Variants in SLC12A1 observed in about 807,000 individuals in gnomAD.
The protein encoded by SLC12A1 is solute carrier family 12 member 1.
SLC12A1 carries 89 observed loss-of-function variants against 130.4 expected under a neutral mutation model. The ratio of observed to expected loss-of-function variants is 0.68; its 90% CI spans 0.58 to 0.81. The LOEUF (loss-of-function observed/expected upper bound fraction) is 0.81. Among genes scored for constraint, SLC12A1 ranks in the 40% least tolerant of loss-of-function variants. SLC12A1 has a pLI of 0.00. For synonymous variants in SLC12A1, 499 were observed against 460.0 expected (o/e 1.08, Z -1.09); for missense variants, 1,310 against 1,336.4 (o/e 0.98, Z 0.31).
intron 20 of SLC12A1, among the ~76,000 whole-genome samples, chr15:48,280,831 A>G (rs989767027): frequency 2.0e-5 from 3 of 151,898 alleles, no homozygotes; most frequent in Non-Finnish European, 4.4e-5. Flanking sequence ...TGTCTTTTGT[A>G]CTTACCACAC....
intron 20 of SLC12A1, among the ~76,000 whole-genome samples, chr15:48,282,759 C>T (rs12594698): frequency 0.28 from 41,794 of 151,970 alleles, 6,727 homozygotes; most frequent in African/African-American, 0.43. Flanking sequence ...GGGGGATTAA[C>T]TTAGCCCATT....
At chr15:48,258,557 T>C (rs979520467) in intron 16 of SLC12A1, among the ~76,000 whole-genome samples, 2 of 152,132 alleles carry the variant, frequency 1.3e-5, no homozygotes, top group African/African-American at 4.8e-5. Flanking sequence ...CCTCCAAGTC[T>C]CTAGGAAGTT....
chr15:48,275,731 T>A (rs541646516), intron 20 of SLC12A1, among the ~76,000 whole-genome samples: 5 of 152,088 alleles, frequency 3.3e-5, no homozygotes, highest in South Asian at 2.1e-4. Context: ...TGTTACTGAA[T>A]TGAAAAGTAG....
intron 23 of SLC12A1, among the ~76,000 whole-genome samples, chr15:48,289,983 T>C (rs1006700744): frequency 1.3e-5 from 2 of 152,228 alleles, no homozygotes; most frequent in African/African-American, 2.4e-5. Context: ...AAATTAACCT[T>C]AGCTTACCGT....
chr15:48,292,925 G>GT (rs966239753), intron 24 of SLC12A1, among the ~76,000 whole-genome samples: 9 of 149,698 alleles, frequency 6.0e-5, no homozygotes, highest in East Asian at 3.9e-4. Context: ...GTTTTGTGGG[G>GT]TTTTTTTTGA....
At chr15:48,266,734 G>A (rs909922141) in intron 17 of SLC12A1, among the ~76,000 whole-genome samples, 12 of 152,322 alleles carry the variant, frequency 7.9e-5, no homozygotes, top group Admixed American at 5.2e-4. Context: ...ACATATGGCA[G>A]ATAATCAGAA....
At chr15:48,296,042 GC>G (rs1472314098) in intron 24 of SLC12A1, among the ~76,000 whole-genome samples, 2 of 152,186 alleles carry the variant, frequency 1.3e-5, no homozygotes, top group Non-Finnish European at 2.9e-5. Flanking sequence ...GGCTGATGCA[GC>G]CCCAGACCCA....
intron 10 of SLC12A1, among the ~76,000 whole-genome samples, chr15:48,242,055 TC>T (rs2141050701): frequency 6.6e-6 from 1 of 152,326 alleles, no homozygotes; most frequent in South Asian, 2.1e-4. Context: ...TGTACTGCTA[TC>T]CTTAATATGG....
chr15:48,227,402 A>G (rs543174124), intron 5 of SLC12A1: 2 of 562,398 alleles, frequency 3.6e-6, no homozygotes, highest in Admixed American at 3.0e-5. Flanking sequence ...GTGGAGAGTG[A>G]CTATGTGTCT....
intron 18 of SLC12A1, among the ~76,000 whole-genome samples, chr15:48,269,193 T>A (rs2041865740): frequency 6.6e-6 from 1 of 152,192 alleles, no homozygotes; most frequent in South Asian, 2.1e-4. Context: ...GAAACATAAT[T>A]CAGTCACTCT....
At chr15:48,246,888 A>G (rs1415150922) in intron 11 of SLC12A1, 21 bp from the exon 12 acceptor site, 44 of 1,544,940 alleles carry the variant, frequency 2.8e-5, no homozygotes, top group Non-Finnish European at 3.2e-5. Flanking sequence ...AAGTCTCCTT[A>G]CTTGTACCTC....
chr15:48,225,789 A>G, intron 4 of SLC12A1: 1 of 478,038 alleles, frequency 2.1e-6, no homozygotes, highest in Non-Finnish European at 2.7e-6. Flanking sequence ...GCTGGTTTTT[A>G]TGTAAATGAT....
chr15:48,231,086 C>T (rs1448056562), intron 7 of SLC12A1, among the ~76,000 whole-genome samples: 6 of 152,222 alleles, frequency 3.9e-5, no homozygotes, highest in African/African-American at 1.4e-4. Flanking sequence ...AATATTCCTA[C>T]GAGCCTGTGG....
intron 2 of SLC12A1, among the ~76,000 whole-genome samples, chr15:48,213,234 C>T (rs1179805171): frequency 1.3e-5 from 2 of 152,144 alleles, no homozygotes; most frequent in African/African-American, 4.8e-5. Context: ...TGGCACTTTT[C>T]ATTAACTCAT....
rs1457283240 is a variant in SLC12A1, at chr15:48,220,641, CAGTCACCCCA to C, written c.432_441del (p.Thr145GlnfsTer28). ...GCTATCTATAAAATGCAGAATGTGG[CAGTCACCCCA>C]AGTTCAGCTGACAGAGTTGCTAACG... is the stretch of plus-strand genomic sequence containing the variant. On this transcript the variant is annotated frameshift_variant, in exon 3 of 27. Transcript: ENST00000380993. LOFTEE classifies it high-confidence loss of function. 6.2e-7 allele frequency: 1 copy of C among 1,612,874 alleles called. No individual in the cohort carries two copies. The highest frequency in any genetic ancestry group is 8.5e-7 in the Non-Finnish European group (1 of 1,179,334).
rs762973439 is a variant in SLC12A1, at chr15:48,207,683, C to T, written c.-37C>T. The T allele has an allele frequency of 2.0e-6, 3 of 1,489,134 alleles. No individual in the cohort carries two copies. The highest frequency in any genetic ancestry group is 1.8e-6 in the Non-Finnish European group (2 of 1,118,112). 92.2% of individuals were successfully genotyped at this position (1,489,134 alleles called of 1,614,324 possible). On this transcript the variant is annotated 5_prime_UTR_variant, in exon 2 of 27. It introduces an in-frame stop codon into an upstream open reading frame of the 5' UTR. Coordinates refer to ENST00000380993, the MANE Select transcript of SLC12A1 (RefSeq NM_000338.3). ...ATATATAGATTTTTTAAAACAACCA[C>T]AAAGTAGATAGCTCAGTAAAAAATC...
At chr15:48,247,553 A>G in intron 13 of SLC12A1, 93 bp downstream of exon 13, 1 of 992,042 alleles carries the variant, frequency 1.0e-6, no homozygotes, top group Non-Finnish European at 1.5e-6. Context: ...TACTCGTTTT[A>G]TGTTTAGGAT....
chr15:48,271,222 A>G (rs1857777732), intron 19 of SLC12A1, among the ~76,000 whole-genome samples: 1 of 152,126 alleles, frequency 6.6e-6, no homozygotes, highest in Admixed American at 6.6e-5. Context: ...CAAGAAAAAA[A>G]AGAAAAGAAA....
At chr15:48,272,613 A>G (rs2041909779) in intron 19 of SLC12A1, among the ~76,000 whole-genome samples, 1 of 152,076 alleles carries the variant, frequency 6.6e-6, no homozygotes, top group Non-Finnish European at 1.5e-5. Flanking sequence ...TTTTTAGTAG[A>G]GATGGGGTTT....
Sources: allele counts gnomAD v4.1 joint callset (sites outside exome capture counted in the v4.1 genomes callset), GRCh38; gene constraint gnomAD v4.1.1; transcripts MANE v1.5; gene names NCBI Gene and HGNC (gene_info 2026-07-23, HGNC 2026-07-21).